HEATR5B: variants seen among roughly 807,000 people sequenced by gnomAD.
The protein encoded by HEATR5B is HEAT repeat containing 5B.
Under a neutral mutation model 224.1 loss-of-function variants are expected in HEATR5B, and 156 were observed. That is an observed-to-expected ratio of 0.70 (90% CI 0.61 to 0.80). The LOEUF (loss-of-function observed/expected upper bound fraction) is 0.80. Among genes scored for constraint, HEATR5B ranks in the 30% least tolerant of loss-of-function variants. HEATR5B has a pLI of 0.00. For synonymous variants in HEATR5B, 1,027 were observed against 893.0 expected (o/e 1.15, Z -2.68); for missense variants, 2,323 against 2,535.5 (o/e 0.92, Z 1.80).
rs1572922514 is a variant in HEATR5B, at chr2:37,064,903, A to G, written c.1421T>C (p.Val474Ala). The change falls in exon 10 of 36, where the codon GTG becomes GCG. Residue 474 changes from valine (V) to alanine (A), a missense_variant. This residue lies in a region of HEATR5B where 502 missense variants were observed against 517.8 expected (regional missense o/e 0.97). Coordinates refer to ENST00000233099, the MANE Select transcript of HEATR5B (RefSeq NM_019024.3). ...AAAWCLRCVA[V>A]ALPFQLTPFL... ...TGGTGTCAGCTGGAAAGGTAATGCC[A>G]CAGCCACACAGCGCAAACACCATGC... 6.2e-7 allele frequency: 1 copy of G among 1,614,072 alleles called. No individual in the cohort carries two copies. The highest frequency in any genetic ancestry group is 1.3e-5 in the African/African-American group (1 of 74,928).
chr2:37,052,286 C>T (rs1370498122), intron 17 of HEATR5B, among the ~76,000 whole-genome samples: 1 of 152,162 alleles, frequency 6.6e-6, no homozygotes, highest in Non-Finnish European at 1.5e-5. Flanking sequence ...CTCTTTTCCA[C>T]AGGGGACACA....
intron 26 of HEATR5B, among the ~76,000 whole-genome samples, chr2:37,018,955 T>G (rs749031963): frequency 2.0e-5 from 3 of 151,928 alleles, no homozygotes; most frequent in Non-Finnish European, 4.4e-5. Flanking sequence ...AGATCAGGGG[T>G]TTGAGACCAG....
intron 16 of HEATR5B, among the ~76,000 whole-genome samples, chr2:37,055,591 G>A (rs1317107958): frequency 3.9e-5 from 6 of 152,084 alleles, no homozygotes; most frequent in Non-Finnish European, 7.4e-5. Context: ...AAATTAAAAA[G>A]CAATTAATCA....
At chr2:37,027,882 G>A (rs1668879035) in intron 24 of HEATR5B, 41 bp downstream of exon 24, 2 of 1,601,056 alleles carry the variant, frequency 1.2e-6, no homozygotes, top group Admixed American at 3.4e-5. Flanking sequence ...GTCTCAAGGT[G>A]TAAAAATGCT....
At position 37,059,457 on chromosome 2, in the gene HEATR5B, TATA is replaced by T. The variant is rs1359566777; in HGVS notation, c.1850-473_1850-471del. On this transcript the variant is annotated intron_variant, in intron 12 of 35. Transcript: ENST00000233099. The stretch of plus-strand genomic sequence containing the variant: ...GTGTGTGTGTGTGTGTATATATATA[TATA>T]TATATTTTTTTTTTTTTTTTTTTGA... Among the ~76,000 whole-genome samples, 267 of 112,326 alleles carry T rather than the reference TATA, an allele frequency of 2.4e-3. 9 individuals carry two copies. The highest frequency in any genetic ancestry group is 5.2e-3 in the African/African-American group (153 of 29,338). The allele number at this position is 112,326 out of a possible 152,430, so 73.7% of individuals were successfully genotyped here.
Position 36,988,867 on chromosome 2 carries a change from A to G in HEATR5B, c.5698-8T>C. 6.3e-7 allele frequency: 1 copy of G among 1,593,796 alleles called. No homozygotes were observed. The highest frequency in any genetic ancestry group is 8.6e-7 in the Non-Finnish European group (1 of 1,161,632). Reference sequence around the variant, plus strand: ...GTAACATTTGGCTTGAACCTATATAAGAAGAACATATTATCAATTAACATG... The same window carrying G: ...GTAACATTTGGCTTGAACCTATATAGGAAGAACATATTATCAATTAACATG... On this transcript the variant is annotated splice_polypyrimidine_tract_variant and splice_region_variant and intron_variant, in intron 34 of 35. Coordinates refer to ENST00000233099, the MANE Select transcript of HEATR5B (RefSeq NM_019024.3).
intron 4 of HEATR5B, 92 bp from the exon 5 acceptor site, chr2:37,075,726 G>A (rs1672188985): frequency 2.6e-6 from 2 of 777,780 alleles, no homozygotes; most frequent in Non-Finnish European, 3.9e-6. Context: ...GGGTCTAATG[G>A]TCTTACCTCC....
chr2:37,070,155 C>T (rs932402960), intron 7 of HEATR5B, 75 bp downstream of exon 7: 1 of 1,428,848 alleles, frequency 7.0e-7, no homozygotes, highest in African/African-American at 1.4e-5. Flanking sequence ...CCGCCTTGGC[C>T]TCCAAAAATG....
At chr2:37,036,065 TCTTA>T (rs1483475501) in intron 21 of HEATR5B, among the ~76,000 whole-genome samples, 1 of 152,222 alleles carries the variant, frequency 6.6e-6, no homozygotes, top group East Asian at 1.9e-4. Flanking sequence ...CTCCCCATTC[TCTTA>T]CTAACTTAGA....
chr2:37,027,814 T>C (rs1558750139), intron 24 of HEATR5B, 109 bp downstream of exon 24: 2 of 1,071,546 alleles, frequency 1.9e-6, no homozygotes, highest in Non-Finnish European at 2.7e-6. Context: ...AATAAATAAA[T>C]GGCATATTCT....
At chr2:37,041,041 C>A in intron 19 of HEATR5B, 92 bp downstream of exon 19, 2 of 1,027,018 alleles carry the variant, frequency 1.9e-6, no homozygotes, top group Non-Finnish European at 1.4e-6. Flanking sequence ...TTTGTCCTAA[C>A]AACTTACCAC....
chr2:37,068,968 C>T (rs1671751065), intron 7 of HEATR5B, 38 bp from the exon 8 acceptor site: 1 of 1,570,796 alleles, frequency 6.4e-7, no homozygotes, highest in Admixed American at 1.8e-5. Flanking sequence ...GATACACTTA[C>T]ATAACTGAAC....
Position 37,038,021 on chromosome 2 carries a change from T to C in HEATR5B, c.3050A>G (p.Asn1017Ser), listed in dbSNP as rs747213282. 1.3e-6 allele frequency: 2 copies of C among 1,506,280 alleles called. No homozygotes were observed. The highest frequency in any genetic ancestry group is 1.4e-5 in the African/African-American group (1 of 71,786). 93.3% of individuals were successfully genotyped at this position (1,506,280 alleles called of 1,614,324 possible). A position where few individuals can be genotyped will look rare whatever the true frequency, so the allele number is the denominator to read the frequency against. The change falls in exon 21 of 36, where the codon AAT becomes AGT. Residue 1017 changes from asparagine (N) to serine (S), a missense_variant. Physicochemically the swap from Asn to Ser is conservative, Grantham distance 46 (BLOSUM62 1). This residue lies in a region of HEATR5B where 88 missense variants were observed against 86.8 expected (regional missense o/e 1.01). Transcript: ENST00000233099. The part of the protein sequence containing the change: ...ITTVGPELQG[N>S]GATTSTIRSS... Reference sequence around the variant, plus strand: ...ACGAATTGTAGAAGTTGTTGCTCCATTCCCTGGTGCAAAATGAAAGAAAAT... The same window carrying C: ...ACGAATTGTAGAAGTTGTTGCTCCACTCCCTGGTGCAAAATGAAAGAAAAT...
At chr2:37,069,417 G>A (rs1336926425) in intron 7 of HEATR5B, among the ~76,000 whole-genome samples, 1 of 152,128 alleles carries the variant, frequency 6.6e-6, no homozygotes, top group Non-Finnish European at 1.5e-5. Flanking sequence ...CTTATTAGGT[G>A]TTAATTATTA....
chr2:37,006,418 G>A (rs1667419393), intron 29 of HEATR5B, among the ~76,000 whole-genome samples: 1 of 152,200 alleles, frequency 6.6e-6, no homozygotes, highest in South Asian at 2.1e-4. Flanking sequence ...GAGGTGGGTG[G>A]ATCACCTGAG....
chr2:37,073,195 T>C (rs747377527), intron 5 of HEATR5B, among the ~76,000 whole-genome samples: 3 of 152,214 alleles, frequency 2.0e-5, no homozygotes, highest in Admixed American at 1.3e-4. Context: ...TACACATTTC[T>C]AAACAAACTT....
In HEATR5B at chr2:37,002,405, G is replaced by C. The variant is rs1056827062; in HGVS notation, c.5218C>G (p.His1740Asp). ...LSTKVSDSPS[H>D]IATKTRLSEE... ...GATAGTCGAGTTTTAGTGGCTATGT[G>C]ACTTGGAGAGTCTGACACCTTGGTA... Residue 1740 changes from histidine to aspartate, a missense_variant, in exon 32 of 36, where the codon CAC becomes GAC. Physicochemically the swap from His to Asp is moderately conservative, Grantham distance 81. Coordinates refer to ENST00000233099, the MANE Select transcript of HEATR5B (RefSeq NM_019024.3). The C allele has an allele frequency of 1.2e-6, 2 of 1,614,108 alleles. No individual in the cohort carries two copies. The highest frequency in any genetic ancestry group is 1.3e-5 in the African/African-American group (1 of 74,938).
intron 24 of HEATR5B, among the ~76,000 whole-genome samples, chr2:37,027,282 C>T (rs1359934232): frequency 1.3e-5 from 2 of 152,128 alleles, no homozygotes; most frequent in Non-Finnish European, 2.9e-5. Context: ...GAATCTGTTA[C>T]TCTATCACCT....
At chr2:37,073,862 T>C (rs142305865) in intron 5 of HEATR5B, among the ~76,000 whole-genome samples, 1 of 152,274 alleles carries the variant, frequency 6.6e-6, no homozygotes, top group Non-Finnish European at 1.5e-5. Context: ...CAACACTTAT[T>C]ACAAAGGAAC....
Sources: gnomAD v4.1 joint callset for allele counts (sites outside exome capture counted in the v4.1 genomes callset) on GRCh38, gnomAD v4.1.1 for gene constraint, gnomAD v4.1.1 regional missense constraint, MANE v1.5 for transcripts, NCBI Gene and HGNC (gene_info 2026-07-23, HGNC 2026-07-21) for gene names.